The following TRDN variants were observed in gnomAD, a reference collection of about 807,000 sequenced individuals.
TRDN encodes the protein triadin, also known as triadin in skeletal muscle.
A neutral mutation model predicts 149.7 loss-of-function variants in TRDN; 161 were observed. The observed-to-expected ratio is 1.08, with a 90% CI of 0.95 to 1.23. TRDN has a LOEUF of 1.23. Among genes scored for constraint, TRDN ranks in the 50% most tolerant of loss-of-function variants. The pLI is 0.00. For synonymous variants in TRDN, 294 were observed against 250.5 expected (o/e 1.17, Z -1.64); for missense variants, 896 against 823.5 (o/e 1.09, Z -1.08).
intron 8 of TRDN, chr6:123,502,273 T>G: frequency 1.1e-6 from 1 of 921,268 alleles, no homozygotes. Flanking sequence ...TACTTCATCC[T>G]TTTTGTCTAC....
rs58869649 is a variant in TRDN at position 123,511,989 on chromosome 6, A to ATTTT, written c.610+310_610+313dup. Among the ~76,000 whole-genome samples, 641 of 141,298 alleles carry ATTTT rather than the reference A, an allele frequency of 4.5e-3. 8 individuals are homozygous for ATTTT. The highest frequency in any genetic ancestry group is 7.3e-3 in the African/African-American group (279 of 38,314). The allele number at this position is 141,298 out of a possible 152,430, so 92.7% of individuals were successfully genotyped here. ...TAGAACAATCTTCACTGCCTCTGCAATTTTTTTTTTTTTTTTGCCATGTAA... is the reference window on the plus strand; with the variant it reads ...TAGAACAATCTTCACTGCCTCTGCAATTTTTTTTTTTTTTTTTTTTGCCATGTAA... On this transcript the variant is annotated intron_variant, in intron 7 of 40. Transcript: ENST00000334268.
At chr6:123,507,084 T>G (rs945985818) in intron 7 of TRDN, among the ~76,000 whole-genome samples, 3 of 152,110 alleles carry the variant, frequency 2.0e-5, no homozygotes, top group Non-Finnish European at 4.4e-5. Context: ...TCAGATCATA[T>G]GTATAATATA....
At chr6:123,488,003 T>C (rs1425243934) in intron 9 of TRDN, among the ~76,000 whole-genome samples, 1 of 152,186 alleles carries the variant, frequency 6.6e-6, no homozygotes, top group Admixed American at 6.5e-5. Flanking sequence ...AAATAATTAC[T>C]CATTTCACTT....
chr6:123,548,455 T>C lies in TRDN; in HGVS notation c.390A>G (p.Lys130=), dbSNP rs1313777771. Residue 130 remains lysine, a splice_region_variant and synonymous_variant, in exon 3 of 41, where the codon AAA becomes AAG. Coordinates refer to ENST00000334268, the MANE Select transcript of TRDN (RefSeq NM_006073.4). ...GATATATCTCTATGTTCTTTGTACC[T>C]TTATCAGTATCTTCGTCACCATCAT... ...EDDDGDEDTD[K]GEIDEPPLRK... is the part of the protein sequence containing the mutation. 1 of 1,557,374 alleles carries C rather than the reference T, an allele frequency of 6.4e-7. No homozygotes were observed. Among genetic ancestry groups the C allele is most frequent in the South Asian group, 1.2e-5 (1 of 80,746 alleles).
chr6:123,448,685 A>G (rs2114643635), intron 10 of TRDN, among the ~76,000 whole-genome samples: 1 of 151,998 alleles, frequency 6.6e-6, no homozygotes, highest in Non-Finnish European at 1.5e-5. Context: ...CACGCCCACT[A>G]CTGGTCCCTC....
chr6:123,314,295 A>G (rs1247769490), intron 24 of TRDN, among the ~76,000 whole-genome samples: 1 of 152,050 alleles, frequency 6.6e-6, no homozygotes, highest in African/African-American at 2.4e-5. Context: ...CAAAACCCCA[A>G]TGAGACCATC....
chr6:123,232,148 G>T (rs528079684), intron 38 of TRDN, among the ~76,000 whole-genome samples: 2 of 151,858 alleles, frequency 1.3e-5, no homozygotes, highest in African/African-American at 2.4e-5. Flanking sequence ...GAGAGCTGAG[G>T]TTGGAAGAAT....
intron 10 of TRDN, among the ~76,000 whole-genome samples, chr6:123,440,718 G>T (rs1455041091): frequency 1.3e-5 from 2 of 152,102 alleles, no homozygotes; most frequent in Non-Finnish European, 2.9e-5. Context: ...TCATTAAAAA[G>T]CTTGTGCCAA....
intron 38 of TRDN, among the ~76,000 whole-genome samples, chr6:123,231,930 GA>G (rs1427062741): frequency 6.6e-6 from 1 of 152,072 alleles, no homozygotes; most frequent in Non-Finnish European, 1.5e-5. Context: ...GGAGAGGGTA[GA>G]AGGATAAGGG....
At chr6:123,557,844 T>C (rs985073835) in intron 2 of TRDN, among the ~76,000 whole-genome samples, 6 of 151,362 alleles carry the variant, frequency 4.0e-5, no homozygotes, top group Admixed American at 6.6e-5. Context: ...CCCTCTCTTT[T>C]CTCTGGACTT....
At chr6:123,399,848 C>T (rs934281351) in intron 12 of TRDN, among the ~76,000 whole-genome samples, 1 of 152,036 alleles carries the variant, frequency 6.6e-6, no homozygotes, top group Non-Finnish European at 1.5e-5. Context: ...ATAAGCATTC[C>T]TTTTGCATTG....
At chr6:123,406,727 C>T (rs1195037758) in intron 12 of TRDN, among the ~76,000 whole-genome samples, 1 of 152,058 alleles carries the variant, frequency 6.6e-6, no homozygotes, top group Non-Finnish European at 1.5e-5. Flanking sequence ...GCAATTATAA[C>T]AGCTAATTTC....
chr6:123,265,226 C>A, intron 33 of TRDN, 92 bp downstream of exon 33: 2 of 969,912 alleles, frequency 2.1e-6, no homozygotes, highest in Non-Finnish European at 1.5e-6. Context: ...ACAAACAGAC[C>A]ATACTATTTA....
chr6:123,308,542 C>T (rs1778699017), intron 24 of TRDN, among the ~76,000 whole-genome samples: 1 of 151,888 alleles, frequency 6.6e-6, no homozygotes, highest in South Asian at 2.1e-4. Context: ...GTCTTCTACT[C>T]TGGACCTCTC....
intron 1 of TRDN, among the ~76,000 whole-genome samples, chr6:123,618,980 A>G (rs1785242918): frequency 1.3e-5 from 2 of 152,188 alleles, no homozygotes; most frequent in African/African-American, 4.8e-5. Flanking sequence ...TAAATAAATC[A>G]ATGATGAAAC....
chr6:123,228,873 T>G (rs148515478), intron 38 of TRDN, among the ~76,000 whole-genome samples: 49 of 151,922 alleles, frequency 3.2e-4, no homozygotes, highest in African/African-American at 9.4e-4. Flanking sequence ...CCCCTTAAAA[T>G]GAGAGGGGGT....
rs71021451 is a variant in TRDN at position 123,483,066 on chromosome 6, TTTATTATTATTATTATTATTATTA to T, written c.853+14103_853+14126del. ...GTTTTTACCCTGGATTGATTTCTCA[TTTATTATTATTATTATTATTATTA>T]TTATTATTATTATTATTATTATTAT... On this transcript the variant is annotated intron_variant, in intron 9 of 40. Transcript: ENST00000334268. 7.5e-5 allele frequency among the ~76,000 whole-genome samples: 10 copies of T among 133,372 alleles called. No homozygotes were observed. The East Asian group carries it at 1.1e-3, about 15-fold the overall frequency. The allele number at this position is 133,372 out of a possible 152,430, so 87.5% of individuals were successfully genotyped here. A position where few individuals can be genotyped will look rare whatever the true frequency, so the allele number is the denominator to read the frequency against.
chr6:123,304,711 T>C (rs1778547516), intron 24 of TRDN, among the ~76,000 whole-genome samples: 1 of 152,156 alleles, frequency 6.6e-6, no homozygotes, highest in Non-Finnish European at 1.5e-5. Flanking sequence ...CACAGGTTTC[T>C]GATAATTTTA....
chr6:123,569,819 C>T (rs1782471403), intron 2 of TRDN, among the ~76,000 whole-genome samples: 1 of 152,172 alleles, frequency 6.6e-6, no homozygotes, highest in Non-Finnish European at 1.5e-5. Flanking sequence ...CTAAAAAATG[C>T]ATCCCTGTGA....
Sources: gnomAD v4.1 joint callset for allele counts (sites outside exome capture counted in the v4.1 genomes callset) on GRCh38, gnomAD v4.1.1 for gene constraint, MANE v1.5 for transcripts, NCBI Gene and HGNC (gene_info 2026-07-23, HGNC 2026-07-21) for gene names.